RREB1: variants seen among roughly 807,000 people sequenced by gnomAD.
RREB1 encodes ras-responsive element-binding protein 1.
RREB1 carries 27 observed loss-of-function variants against 117.8 expected under a neutral mutation model. That is an observed-to-expected ratio of 0.23 (90% CI 0.17 to 0.32). RREB1 has a LOEUF of 0.32. Among genes scored for constraint, RREB1 ranks in the 10% least tolerant of loss-of-function variants. The pLI, the probability that RREB1 is intolerant of heterozygous loss-of-function variation, is 1.00. For missense variants in RREB1, 2,577 were observed against 2,378.2 expected, an observed-to-expected ratio of 1.08 and a Z score of -1.74; for synonymous variants, 1,298 against 1,026.7, an observed-to-expected ratio of 1.26 and a Z score of -5.05.
rs13195451 is a variant in RREB1, at chr6:7,200,282, A to G, written c.426-10522A>G. ...TGTGTGTGTGTGTGTGTGTGTGTGT[A>G]TTTTTTTTTTTTTCTTTTTTGAGAT... On this transcript the variant is annotated intron_variant, in intron 6 of 12. Transcript: ENST00000379938. Among the ~76,000 whole-genome samples, 695 of 97,310 alleles carry G rather than the reference A, an allele frequency of 7.1e-3. 1 individual carries two copies. The highest frequency in any genetic ancestry group is 0.027 in the Middle Eastern group (4 of 148). 63.8% of individuals were successfully genotyped at this position (97,310 alleles called of 152,430 possible). A position where few individuals can be genotyped will look rare whatever the true frequency, so the allele number is the denominator to read the frequency against.
At chr6:7,149,995 G>GTTTTTTTT in intron 1 of RREB1, among the ~76,000 whole-genome samples, 3 of 140,312 alleles carry the variant, frequency 2.1e-5, no homozygotes, top group Middle Eastern at 3.7e-3. Context: ...GGCCTGGTTG[G>GTTTTTTTT]TTTTTTTTTT....
intron 1 of RREB1, among the ~76,000 whole-genome samples, chr6:7,109,549 C>T (rs1282629632): frequency 6.6e-6 from 1 of 152,166 alleles, no homozygotes; most frequent in Non-Finnish European, 1.5e-5. Flanking sequence ...ACGCGGGGAC[C>T]CCACGGGGTG....
In RREB1 at chr6:7,246,586, G is replaced by C; in HGVS notation, c.4136G>C (p.Arg1379Pro). The C allele has an allele frequency of 6.4e-7, 1 of 1,554,168 alleles. No homozygotes were observed. Among genetic ancestry groups the C allele is most frequent in the Non-Finnish European group, 8.7e-7 (1 of 1,149,246 alleles). ...GCGGAAACGGCCTCGCCGGTGCACC[G>C]GGAAGAGCACGGGCGTGGGGAGAGC... ...ATAETASPVHREEHGRGESHE... is the reference protein window; with the variant it reads ...ATAETASPVHPEEHGRGESHE... Residue 1379 changes from arginine (R) to proline (P), a missense_variant, in exon 12 of 13, where the codon CGG (arginine) becomes CCG (proline). Coordinates refer to ENST00000379938, the MANE Select transcript of RREB1 (RefSeq NM_001003699.4).
At chr6:7,175,026 T>A (rs1258169233) in intron 1 of RREB1, among the ~76,000 whole-genome samples, 1 of 152,180 alleles carries the variant, frequency 6.6e-6, no homozygotes, top group East Asian at 1.9e-4. Flanking sequence ...TGGCAGTTTC[T>A]AGAAAAAAAC....
At chr6:7,129,213 A>T (rs1188057219) in intron 1 of RREB1, among the ~76,000 whole-genome samples, 1 of 152,244 alleles carries the variant, frequency 6.6e-6, no homozygotes. Flanking sequence ...TAGGAAAAGC[A>T]CAAGTAGGGG....
Position 7,240,530 on chromosome 6 carries a change from A to G in RREB1, c.3901A>G (p.Thr1301Ala), listed in dbSNP as rs764291350. The G allele has an allele frequency of 6.2e-7, 1 of 1,613,956 alleles. No homozygotes were observed. Among genetic ancestry groups the G allele is most frequent in the South Asian group, 1.1e-5 (1 of 91,070 alleles). The part of the protein sequence containing the change: ...RHQLRKHGVT[T>A]CSLRRNGLIP... ...CCAGTTGCGCAAACACGGAGTTACC[A>G]CCTGTTCCCTGAGAAGAAACGGGCT... The change falls in exon 11 of 13, where the codon ACC (threonine) becomes GCC (alanine). Residue 1301 changes from threonine to alanine, a missense_variant. Physicochemically the swap from Thr to Ala is moderately conservative, Grantham distance 58. Coordinates refer to ENST00000379938, the MANE Select transcript of RREB1 (RefSeq NM_001003699.4).
At chr6:7,219,742 T>G (rs1452506327) in intron 8 of RREB1, among the ~76,000 whole-genome samples, 1 of 152,140 alleles carries the variant, frequency 6.6e-6, no homozygotes, top group Non-Finnish European at 1.5e-5. Context: ...TATCAGAGAC[T>G]CTCTGTGATC....
chr6:7,175,732 A>G (rs1471889690), intron 1 of RREB1, among the ~76,000 whole-genome samples: 2 of 152,172 alleles, frequency 1.3e-5, no homozygotes, highest in African/African-American at 4.8e-5. Context: ...TTGACACCCC[A>G]GAGCAGACTT....
chr6:7,123,266 T>G (rs1263566281), intron 1 of RREB1, among the ~76,000 whole-genome samples: 2 of 152,080 alleles, frequency 1.3e-5, no homozygotes. Context: ...CAAGCGATTC[T>G]CCTGTCTCAG....
chr6:7,188,211 T>G (rs936540262), intron 5 of RREB1, among the ~76,000 whole-genome samples: 1 of 134,114 alleles, frequency 7.5e-6, no homozygotes, highest in African/African-American at 2.8e-5. Flanking sequence ...TAAAATAGAA[T>G]CGCTCCCCCC....
chr6:7,168,288 T>A (rs1764055629), intron 1 of RREB1, among the ~76,000 whole-genome samples: 1 of 149,940 alleles, frequency 6.7e-6, no homozygotes, highest in Non-Finnish European at 1.5e-5. Flanking sequence ...ATTCCCCATG[T>A]CATGTGCTTT....
intron 1 of RREB1, among the ~76,000 whole-genome samples, chr6:7,122,906 T>C (rs1761739055): frequency 6.6e-6 from 1 of 152,184 alleles, no homozygotes; most frequent in African/African-American, 2.4e-5. Flanking sequence ...GACAAGCATG[T>C]ATCAGCTCAC....
In RREB1 at chr6:7,249,089, G is replaced by C. The variant is rs1461137589; in HGVS notation, c.*121G>C. ...AGAGAGAGAGAGAGAGAGAGAGAGA[G>C]AGAGAGAGAGAGAGACAAGCAGGAG... is the stretch of plus-strand genomic sequence containing the variant. On this transcript the variant is annotated 3_prime_UTR_variant, in exon 13 of 13. Transcript: ENST00000379938. The C allele has an allele frequency of 7.6e-6, 6 of 788,272 alleles. No homozygotes were observed. The highest frequency in any genetic ancestry group is 5.3e-5 in the African/African-American group (3 of 56,808). The allele number at this position is 788,272 out of a possible 1,614,324, so 48.8% of individuals were successfully genotyped here.
chr6:7,180,043 G>A (rs921607779), intron 2 of RREB1, among the ~76,000 whole-genome samples: 4 of 151,984 alleles, frequency 2.6e-5, no homozygotes, highest in Admixed American at 2.6e-4. Flanking sequence ...TGGGGGGTGG[G>A]GGCTGTAGCT....
intron 6 of RREB1, among the ~76,000 whole-genome samples, chr6:7,205,697 A>G (rs548868275): frequency 1.3e-5 from 2 of 152,156 alleles, no homozygotes; most frequent in African/African-American, 4.8e-5. Context: ...GCTTTTAGGG[A>G]TTGGTCTGTC....
chr6:7,209,089 T>C (rs1346139346), intron 6 of RREB1, among the ~76,000 whole-genome samples: 1 of 152,228 alleles, frequency 6.6e-6, no homozygotes, highest in Admixed American at 6.5e-5. Flanking sequence ...TGAAAACAGC[T>C]TCTTTCATAA....
intron 6 of RREB1, among the ~76,000 whole-genome samples, chr6:7,192,159 T>C (rs1765440695): frequency 7.8e-6 from 1 of 128,104 alleles, no homozygotes; most frequent in African/African-American, 3.1e-5. Context: ...TATGGTTGGG[T>C]TGTTTTTGTC....
In RREB1 at chr6:7,246,774, G is replaced by A. The variant is rs1357560515; in HGVS notation, c.4324G>A (p.Ala1442Thr). 5.8e-6 allele frequency: 9 copies of A among 1,552,360 alleles called. No homozygotes were observed. The highest frequency in any genetic ancestry group is 7.8e-6 in the Non-Finnish European group (9 of 1,150,402). Residue 1442 changes from alanine (A) to threonine (T), a missense_variant, in exon 12 of 13, where the codon GCC becomes ACC. Transcript: ENST00000379938. ...CGGCGAGGCAGGCGCCGGGGGCGCG[G>A]CCTCGCAGGAGCAGAAGCTCGCCTG... ...GDGEAGAGGA[A>T]SQEQKLACDT...
chr6:7,130,347 C>T (rs548941833), intron 1 of RREB1, among the ~76,000 whole-genome samples: 7 of 152,134 alleles, frequency 4.6e-5, no homozygotes, highest in Non-Finnish European at 7.3e-5. Context: ...GAGAGGCAAC[C>T]GAAGCCAAGG....
Sources: allele counts gnomAD v4.1 joint callset (sites outside exome capture counted in the v4.1 genomes callset), GRCh38; gene constraint gnomAD v4.1.1; transcripts MANE v1.5; gene names NCBI Gene and HGNC (gene_info 2026-07-23, HGNC 2026-07-21).